RTN4: variants seen among roughly 807,000 people sequenced by gnomAD.
RTN4 encodes reticulon 4, also known as reticulon-4.
RTN4 carries 32 observed loss-of-function variants against 90.4 expected under a neutral mutation model. That is an observed-to-expected ratio of 0.35 (90% CI 0.27 to 0.48). The LOEUF is 0.48. RTN4 is among the 20% of genes least tolerant of loss of function. The pLI is 0.99. For missense variants in RTN4, 1,706 were observed against 1,430.2 expected (o/e 1.19, Z -3.11); for synonymous variants, 629 against 552.5 (o/e 1.14, Z -1.94).
At chr2:55,114,207 T>C (rs1668083877), upstream of RTN4, among the ~76,000 whole-genome samples, 3 of 152,260 alleles carry the variant, frequency 2.0e-5, no homozygotes, top group Non-Finnish European at 4.4e-5. Context: ...ATGATGTCAC[T>C]TTTTCATTCT....
Position 54,979,315 on chromosome 2 carries a change from C to T in RTN4, c.3360+3200G>A, listed in dbSNP as rs552770399. On this transcript the variant is annotated intron_variant, in intron 5 of 8. Coordinates refer to ENST00000337526, the MANE Select transcript of RTN4 (RefSeq NM_020532.5). ...TCAAGCAATCCTTCCGCCTTGGCCT[C>T]CCAAAGTGCTGGGATTACAGGCGTG... Among the ~76,000 whole-genome samples, 5 of 152,214 alleles carry T rather than the reference C, an allele frequency of 3.3e-5. No homozygotes were observed. The South Asian group carries it at 1.0e-3, about 32-fold the overall frequency.
At chr2:55,073,866 G>A (rs746475983) in intron 2 of RTN4, among the ~76,000 whole-genome samples, 1 of 152,216 alleles carries the variant, frequency 6.6e-6, no homozygotes, top group African/African-American at 2.4e-5. Flanking sequence ...GTTGGTGGCA[G>A]TGCCAGGACC....
chr2:55,006,027 T>C (rs1191201049), intron 3 of RTN4, among the ~76,000 whole-genome samples: 1 of 152,096 alleles, frequency 6.6e-6, no homozygotes. Context: ...CTAGATGGAA[T>C]TAAAATATTG....
rs1667994752 is a variant in RTN4 at position 55,049,786 on chromosome 2, G to A, written c.515C>T (p.Thr172Ile). 2.3e-6 allele frequency: 3 copies of A among 1,320,100 alleles called. No homozygotes were observed. The highest frequency in any genetic ancestry group is 2.1e-5 in the South Asian group (1 of 48,176). 81.8% of individuals were successfully genotyped at this position (1,320,100 alleles called of 1,614,324 possible). Reference protein sequence around the residue: ...PAPAPAAPPSTPAAPKRRGSS... With the variant: ...PAPAPAAPPSIPAAPKRRGSS... The stretch of plus-strand genomic sequence containing the variant: ...GCCCCTGCGCTTGGGCGCGGCCGGG[G>A]TGGAGGGGGGCGCGGCGGGAGCCGG... Residue 172 changes from threonine to isoleucine, a missense_variant, in exon 1 of 9, where the codon ACC becomes ATC. Transcript: ENST00000337526.
rs1681537436 is a variant in RTN4 at position 55,022,827 on chromosome 2, G to C, written c.3013+2259C>G. On this transcript the variant is annotated intron_variant, in intron 3 of 8. Coordinates refer to ENST00000337526, the MANE Select transcript of RTN4 (RefSeq NM_020532.5). ...CTGACTACACAGTAGGCCTTTGCCT[G>C]ATGGCCTAACACTGGCCATTATAAT... is the stretch of plus-strand genomic sequence containing the variant. Among the ~76,000 whole-genome samples, 4 of 151,350 alleles carry C rather than the reference G, an allele frequency of 2.6e-5. No homozygotes were observed. In the South Asian group the frequency reaches 8.3e-4, roughly 32 times the overall value.
At position 55,041,080 on chromosome 2, in the gene RTN4, AT is replaced by A. The variant is rs554319306; in HGVS notation, c.556+8664del. On this transcript the variant is annotated intron_variant, in intron 1 of 8. Coordinates refer to ENST00000337526, the MANE Select transcript of RTN4 (RefSeq NM_020532.5). Reference sequence around the variant, plus strand: ...GAATATTTCTTTCTTTCTCAACACAATTTTTTTTTTTTTTTGGAAATGAAAA... The same window carrying A: ...GAATATTTCTTTCTTTCTCAACACAATTTTTTTTTTTTTTGGAAATGAAAA... Among the ~76,000 whole-genome samples the A allele has an allele frequency of 2.6e-3, 370 of 142,956 alleles. 1 individual carries two copies. Among genetic ancestry groups the A allele is most frequent in the Middle Eastern group, 0.018 (5 of 274 alleles). 93.8% of individuals were successfully genotyped at this position (142,956 alleles called of 152,430 possible).
intron 1 of RTN4, among the ~76,000 whole-genome samples, chr2:55,034,447 G>C (rs762991103): frequency 3.3e-5 from 5 of 152,018 alleles, no homozygotes; most frequent in Non-Finnish European, 4.4e-5. Context: ...GGCTGCAGTG[G>C]GTTATGATCA....
intron 3 of RTN4, among the ~76,000 whole-genome samples, chr2:55,017,564 T>G (rs2104821996): frequency 6.6e-6 from 1 of 152,310 alleles, no homozygotes; most frequent in South Asian, 2.1e-4. Context: ...ATATTTCGAT[T>G]ACGAACTAAA....
chr2:55,111,912 G>A (rs375275876), intron 1 of RTN4, among the ~76,000 whole-genome samples: 6 of 152,162 alleles, frequency 3.9e-5, no homozygotes, highest in South Asian at 2.1e-4. Context: ...ATGACTCAGC[G>A]TGTTGAAATC....
At chr2:54,981,180 A>T (rs1486684745) in intron 5 of RTN4, among the ~76,000 whole-genome samples, 1 of 152,236 alleles carries the variant, frequency 6.6e-6, no homozygotes, top group African/African-American at 2.4e-5. Context: ...AAATAAAAAT[A>T]AGAGATGCGG....
At chr2:55,058,526 T>A (rs1425573908) in intron 2 of RTN4, among the ~76,000 whole-genome samples, 2 of 152,228 alleles carry the variant, frequency 1.3e-5, no homozygotes, top group Non-Finnish European at 2.9e-5. Context: ...GCTTCTGAAC[T>A]TTTTGTTGAC....
intron 1 of RTN4, among the ~76,000 whole-genome samples, chr2:55,090,658 AG>A (rs1464648108): frequency 6.6e-5 from 10 of 152,204 alleles, no homozygotes; most frequent in African/African-American, 2.4e-4. Context: ...CTAAAGGACA[AG>A]GAGGACTACA....
At chr2:54,993,130 G>C (rs892946132) in intron 3 of RTN4, among the ~76,000 whole-genome samples, 1 of 150,058 alleles carries the variant, frequency 6.7e-6, no homozygotes, top group East Asian at 1.9e-4. Flanking sequence ...AAGTCTGAAA[G>C]TATATCTACT....
intron 1 of RTN4, among the ~76,000 whole-genome samples, chr2:55,031,993 T>C (rs561377549): frequency 1.7e-3 from 262 of 152,128 alleles, no homozygotes; most frequent in African/African-American, 5.8e-3. Context: ...ATAAAATAAA[T>C]TAATGGACAT....
intron 3 of RTN4, among the ~76,000 whole-genome samples, chr2:54,992,147 C>G (rs1028698738): frequency 1.3e-5 from 2 of 152,042 alleles, no homozygotes; most frequent in African/African-American, 2.4e-5. Context: ...AACACAGAGA[C>G]CCCTCATCTC....
intron 1 of RTN4, among the ~76,000 whole-genome samples, chr2:55,029,719 G>T (rs1682164941): frequency 6.6e-6 from 1 of 152,142 alleles, no homozygotes; most frequent in African/African-American, 2.4e-5. Flanking sequence ...ATTCCTAGAT[G>T]AGGGTGATGA....
intron 3 of RTN4, chr2:55,010,162 G>A (rs1680529379): frequency 2.5e-6 from 4 of 1,611,794 alleles, no homozygotes; most frequent in Admixed American, 1.7e-5. Context: ...TATTAATTAT[G>A]CATACCAACA....
intron 1 of RTN4, among the ~76,000 whole-genome samples, chr2:55,036,433 C>T (rs1049649899): frequency 6.6e-6 from 1 of 151,738 alleles, no homozygotes; most frequent in Middle Eastern, 3.4e-3. Flanking sequence ...AAGACCCTGT[C>T]TCTACTAAAA....
At chr2:55,001,724 CGGAGCCTCTCACTTCAAAAG>C (rs1679863761) in intron 3 of RTN4, among the ~76,000 whole-genome samples, 1 of 152,158 alleles carries the variant, frequency 6.6e-6, no homozygotes, top group African/African-American at 2.4e-5. Flanking sequence ...CACTTCAAAA[CGGAGCCTCTCACTTCAAAAG>C]ATTAGGAAGA....
Sources: gnomAD v4.1 joint callset for allele counts (sites outside exome capture counted in the v4.1 genomes callset) on GRCh38, gnomAD v4.1.1 for gene constraint, MANE v1.5 for transcripts, NCBI Gene and HGNC (gene_info 2026-07-23, HGNC 2026-07-21) for gene names.